Variants in SCRG1 observed in about 807,000 individuals in gnomAD.
SCRG1 encodes the protein stimulator of chondrogenesis 1.
A neutral mutation model predicts 7.7 loss-of-function variants in SCRG1; 3 were observed. The observed-to-expected ratio is 0.39, with a 90% CI of 0.18 to 1.01. The LOEUF is 1.01. SCRG1 is among the 50% of genes least tolerant of loss of function. The pLI is 0.36. For missense variants in SCRG1, 110 were observed against 117.2 expected, an observed-to-expected ratio of 0.94 and a Z score of 0.28; for synonymous variants, 46 against 41.2, an observed-to-expected ratio of 1.12 and a Z score of -0.44.
At chr4:173,483,974 ATATATAG>A in the SCRG1 span, among the ~76,000 whole-genome samples, 6 of 29,098 alleles carry the variant, frequency 2.1e-4, no homozygotes, top group Non-Finnish European at 5.0e-4. Context: ...ATTTTATATA[ATATATAG>A]TATATTATAT....
the SCRG1 span, among the ~76,000 whole-genome samples, chr4:173,433,156 A>T: frequency 6.6e-6 from 1 of 152,232 alleles, no homozygotes; most frequent in Non-Finnish European, 1.5e-5. Flanking sequence ...GACTTTAGTA[A>T]CTTTTTTTTA....
the SCRG1 span, among the ~76,000 whole-genome samples, chr4:173,413,544 T>G: frequency 6.6e-6 from 1 of 152,182 alleles, no homozygotes; most frequent in African/African-American, 2.4e-5. Flanking sequence ...AACGAGTCAT[T>G]GACAACAGCA....
the SCRG1 span, among the ~76,000 whole-genome samples, chr4:173,483,799 GATATATGA>G: frequency 8.9e-4 from 11 of 12,356 alleles, 4 homozygotes; most frequent in East Asian, 0.022. Context: ...TCATATATAT[GATATATGA>G]TATGTAATAT....
At chr4:173,447,178 A>T in the SCRG1 span, among the ~76,000 whole-genome samples, 8 of 152,132 alleles carry the variant, frequency 5.3e-5, no homozygotes, top group African/African-American at 1.9e-4. Context: ...AGGGTTTTTG[A>T]TGAGAGTTCT....
At chr4:173,456,228 G>A in the SCRG1 span, among the ~76,000 whole-genome samples, 2 of 152,104 alleles carry the variant, frequency 1.3e-5, no homozygotes, top group African/African-American at 4.8e-5. Flanking sequence ...CACAGAATTC[G>A]AATCTTAAGT....
At chr4:173,395,947 G>A (rs1336373999) in intron 1 of SCRG1, among the ~76,000 whole-genome samples, 3 of 152,198 alleles carry the variant, frequency 2.0e-5, no homozygotes, top group South Asian at 2.1e-4. Flanking sequence ...GAAGCCATTG[G>A]AAGATTTTGA....
the SCRG1 span, among the ~76,000 whole-genome samples, chr4:173,478,117 T>C: frequency 2.1e-3 from 327 of 152,260 alleles, 3 homozygotes; most frequent in South Asian, 0.015. Context: ...GATTTTAGTA[T>C]CTGAAAATTA....
the SCRG1 span, among the ~76,000 whole-genome samples, chr4:173,516,023 T>G: frequency 1.3e-5 from 2 of 152,260 alleles, no homozygotes; most frequent in African/African-American, 4.8e-5. Flanking sequence ...GGGGCCCAAC[T>G]GGGTGCCCCT....
At chr4:173,513,148 G>A in the SCRG1 span, among the ~76,000 whole-genome samples, 3 of 152,082 alleles carry the variant, frequency 2.0e-5, no homozygotes, top group African/African-American at 4.8e-5. Flanking sequence ...GGAGAGAGGG[G>A]ACACACAAAA....
At chr4:173,510,515 C>G in the SCRG1 span, among the ~76,000 whole-genome samples, 2 of 152,074 alleles carry the variant, frequency 1.3e-5, no homozygotes, top group African/African-American at 4.8e-5. The surrounding 1 kb of genome is among the most constrained non-coding windows in gnomAD (Gnocchi z 5.7). Context: ...CCAGGTAGCT[C>G]TGTCAGAAGA....
the SCRG1 span, among the ~76,000 whole-genome samples, chr4:173,485,095 T>TAATATATTATATATTATATAA: frequency 1.8e-4 from 2 of 11,308 alleles, 1 homozygote; most frequent in Non-Finnish European, 4.5e-4. Flanking sequence ...ATATTATATA[T>TAATATATTATATATTATATAA]TATATATTAT....
the SCRG1 span, among the ~76,000 whole-genome samples, chr4:173,498,177 CT>C: frequency 6.6e-6 from 1 of 152,198 alleles, no homozygotes; most frequent in Admixed American, 6.5e-5. Context: ...ATTCAAGACT[CT>C]TATAAACAAA....
rs901309347 is a variant in SCRG1 at position 173,391,365 on chromosome 4, C to A, written c.50G>T (p.Gly17Val). 4 of 1,614,176 alleles carry A rather than the reference C, an allele frequency of 2.5e-6. No homozygotes were observed. The African/African-American group carries it at 5.3e-5, about 22-fold the overall frequency. ...GCGATTTGCAGGCATGGCTTGAACT[C>A]CTAGCAGCAAAGTTAGCCCAATGGT... ...VFTIGLTLLL[G>V]VQAMPANRLS... The change falls in exon 2 of 3, where the codon GGA (glycine) becomes GTA (valine). Residue 17 changes from glycine to valine, a missense_variant. Physicochemically the swap from Gly to Val is moderately radical, Grantham distance 109. Transcript: ENST00000296506.
At chr4:173,502,612 C>T in the SCRG1 span, among the ~76,000 whole-genome samples, 3 of 152,102 alleles carry the variant, frequency 2.0e-5, no homozygotes, top group Non-Finnish European at 4.4e-5. The surrounding 1 kb of genome is among the most constrained non-coding windows in gnomAD (Gnocchi z 4.6). Context: ...TCCTGGTGGC[C>T]TGAGGCTGCA....
At chr4:173,420,625 G>A in the SCRG1 span, among the ~76,000 whole-genome samples, 1 of 151,490 alleles carries the variant, frequency 6.6e-6, no homozygotes, top group Non-Finnish European at 1.5e-5. Flanking sequence ...AGTGATTAGC[G>A]TCGATCATGA....
At chr4:173,460,707 C>T in the SCRG1 span, among the ~76,000 whole-genome samples, 6 of 152,292 alleles carry the variant, frequency 3.9e-5, no homozygotes, top group East Asian at 1.9e-4. Flanking sequence ...GCCTCTGAGA[C>T]GTGCTGGCTT....
the SCRG1 span, among the ~76,000 whole-genome samples, chr4:173,482,405 T>C: frequency 6.6e-6 from 1 of 152,120 alleles, no homozygotes; most frequent in African/African-American, 2.4e-5. Context: ...AGGGGAAGTG[T>C]GGTAAATTAG....
chr4:173,405,028 A>G (rs1739865067), intron 1 of SCRG1, among the ~76,000 whole-genome samples: 1 of 152,204 alleles, frequency 6.6e-6, no homozygotes. Flanking sequence ...CTACATTAAT[A>G]CATTATTATT....
At chr4:173,517,183 T>G in the SCRG1 span, among the ~76,000 whole-genome samples, 1 of 151,894 alleles carries the variant, frequency 6.6e-6, no homozygotes, top group Non-Finnish European at 1.5e-5. Flanking sequence ...CAATTACACC[T>G]CGGCTCCAGG....
Sources: allele counts gnomAD v4.1 joint callset (sites outside exome capture counted in the v4.1 genomes callset), GRCh38; gene constraint gnomAD v4.1.1; non-coding constraint Gnocchi (gnomAD v3.1); transcripts MANE v1.5; gene names NCBI Gene and HGNC (gene_info 2026-07-23, HGNC 2026-07-21).